The following ITGAE variants were observed in gnomAD, a reference collection of about 807,000 sequenced individuals.
ITGAE encodes integrin subunit alpha E, also known as integrin alpha-E.
In ITGAE, 99 loss-of-function variants were observed where a neutral mutation model predicts 136.5. That is an observed-to-expected ratio of 0.73 (90% CI 0.62 to 0.86). The LOEUF (loss-of-function observed/expected upper bound fraction) is 0.86, where lower values mean the gene tolerates loss of function less well. Ranked by LOEUF, ITGAE falls within the 40% of genes least tolerant of loss-of-function variation. The pLI, the probability that ITGAE is intolerant of heterozygous loss-of-function variation, is 0.00. For missense variants in ITGAE, 1,447 were observed against 1,515.3 expected (o/e 0.95, Z 0.75); for synonymous variants, 613 against 591.8 (o/e 1.04, Z -0.52).
intron 1 of ITGAE, among the ~76,000 whole-genome samples, chr17:3,782,604 G>C (rs886216946): frequency 6.6e-6 from 1 of 151,974 alleles, no homozygotes; most frequent in Non-Finnish European, 1.5e-5. Flanking sequence ...CTGACCTCAG[G>C]TGATTCAGCC....
intron 11 of ITGAE, among the ~76,000 whole-genome samples, chr17:3,755,553 T>C (rs1195064932): frequency 2.0e-5 from 3 of 152,150 alleles, no homozygotes; most frequent in Non-Finnish European, 1.5e-5. Flanking sequence ...ACTGGATGTT[T>C]GAGCACACAG....
chr17:3,750,964 G>A (rs527469340), intron 15 of ITGAE, among the ~76,000 whole-genome samples: 61 of 151,868 alleles, frequency 4.0e-4, no homozygotes, highest in Non-Finnish European at 6.9e-4. Context: ...TGGGACCGCA[G>A]GGGTGGGGAT....
chr17:3,769,487 C>T (rs1300503288), intron 2 of ITGAE, among the ~76,000 whole-genome samples: 1 of 152,188 alleles, frequency 6.6e-6, no homozygotes, highest in Non-Finnish European at 1.5e-5. Context: ...CCTCTGCTTC[C>T]CACACCTTTT....
rs775546016 is a variant in ITGAE, at chr17:3,724,656, C to T, written c.3085-912G>A. ...GATGGTCCACCAAACCCGCGCCAGC[C>T]TCAGGTCAGTTCTCTTTGGCCTTAT... On this transcript the variant is annotated intron_variant, in intron 26 of 30. Transcript: ENST00000263087. The T allele has an allele frequency of 2.5e-5, 41 of 1,614,114 alleles. No individual in the cohort carries two copies. The South Asian group carries it at 4.2e-4, about 16-fold the overall frequency.
In ITGAE at chr17:3,751,793, T is replaced by C. The variant is rs766024349; in HGVS notation, c.1750A>G (p.Met584Val). 1.2e-6 allele frequency: 2 copies of C among 1,614,060 alleles called. No homozygotes were observed. The highest frequency in any genetic ancestry group is 4.5e-5 in the East Asian group (2 of 44,880). The change falls in exon 15 of 31, where the codon ATG becomes GTG. Residue 584 changes from methionine (M) to valine (V), a missense_variant. Around this residue, in one of 3 missense-constraint regions of ITGAE, gnomAD observed 1,031 missense variants for 1,011.4 expected, o/e 1.02. Coordinates refer to ENST00000263087, the MANE Select transcript of ITGAE (RefSeq NM_002208.5). ...NARFGFAMAA[M>V]GDLSQDKLTD... Reference sequence around the variant, plus strand: ...AGCTTATCCTGACTGAGATCCCCCATAGCCGCCATGGCAAAGCCAAAGCGG... The same window carrying C: ...AGCTTATCCTGACTGAGATCCCCCACAGCCGCCATGGCAAAGCCAAAGCGG...
chr17:3,778,544 C>T (rs1162973135), intron 1 of ITGAE, among the ~76,000 whole-genome samples: 1 of 151,532 alleles, frequency 6.6e-6, no homozygotes, highest in African/African-American at 2.5e-5. Context: ...GCCTGAGCAA[C>T]AGAGCAAGAC....
intron 20 of ITGAE, among the ~76,000 whole-genome samples, chr17:3,735,922 T>A (rs900826006): frequency 7.9e-5 from 12 of 152,046 alleles, no homozygotes; most frequent in African/African-American, 2.2e-4. Context: ...GGCGGGTAGA[T>A]CACCTGAGGT....
At chr17:3,719,437 C>T (rs1416396367) in intron 29 of ITGAE, among the ~76,000 whole-genome samples, 1 of 152,066 alleles carries the variant, frequency 6.6e-6, no homozygotes, top group Non-Finnish European at 1.5e-5. Flanking sequence ...CTAAAGAGCT[C>T]AGAGCTCACA....
intron 22 of ITGAE, among the ~76,000 whole-genome samples, chr17:3,731,509 T>C (rs368636492): frequency 1.3e-5 from 2 of 151,664 alleles, no homozygotes; most frequent in South Asian, 2.1e-4. Flanking sequence ...GCCCAGCTAA[T>C]TTTTGTATTC....
chr17:3,750,413 T>C lies in ITGAE; in HGVS notation c.1963A>G (p.Ile655Val), dbSNP rs145433625. The C allele has an allele frequency of 8.1e-6, 13 of 1,614,040 alleles. No homozygotes were observed. The highest frequency in any genetic ancestry group is 1.1e-5 in the Non-Finnish European group (13 of 1,180,046). Residue 655 changes from isoleucine (I) to valine (V), a missense_variant, in exon 16 of 31, where the codon ATT becomes GTT. Ile to Val is a conservative substitution (Grantham distance 29). Transcript: ENST00000263087. Reference sequence around the variant, plus strand: ...ATGTCGGCAAGGCCGTCGCCACTAATATCAAAGCCACCAGCCATGGACATG... The same window carrying C: ...ATGTCGGCAAGGCCGTCGCCACTAACATCAAAGCCACCAGCCATGGACATG... ...FGMSMAGGFDISGDGLADITV... is the reference protein window; with the variant it reads ...FGMSMAGGFDVSGDGLADITV...
chr17:3,770,457 C>T lies in ITGAE; in HGVS notation c.156-6497G>A, dbSNP rs142579797. ...CAGGGTCTATTTCCATGTCTGCTGTCTGTCCCACCCATACCTTCTGTGGCA... is the reference window on the plus strand; with the variant it reads ...CAGGGTCTATTTCCATGTCTGCTGTTTGTCCCACCCATACCTTCTGTGGCA... On this transcript the variant is annotated intron_variant, in intron 2 of 30. Coordinates refer to ENST00000263087, the MANE Select transcript of ITGAE (RefSeq NM_002208.5). Among the ~76,000 whole-genome samples, 340 of 152,276 alleles carry T rather than the reference C, an allele frequency of 2.2e-3. 2 individuals carry two copies. Among genetic ancestry groups the T allele is most frequent in the African/African-American group, 7.8e-3 (324 of 41,566 alleles).
chr17:3,781,754 G>A (rs1407077625), intron 1 of ITGAE, among the ~76,000 whole-genome samples: 1 of 152,116 alleles, frequency 6.6e-6, no homozygotes, highest in Admixed American at 6.5e-5. Context: ...TCCCACAGTT[G>A]AAATGTCTCA....
At chr17:3,776,054 CT>C (rs71153398) in intron 2 of ITGAE, among the ~76,000 whole-genome samples, 2,284 of 122,748 alleles carry the variant, frequency 0.019, 8 homozygotes, top group Middle Eastern at 0.036. Context: ...GTGCTAAGCC[CT>C]TTTTTTTTTT....
chr17:3,780,253 C>T (rs1286472352), intron 1 of ITGAE, among the ~76,000 whole-genome samples: 2 of 151,650 alleles, frequency 1.3e-5, no homozygotes, highest in East Asian at 3.9e-4. Flanking sequence ...TCACTGCAAG[C>T]TTTGCCTCCC....
At chr17:3,750,229 C>T in intron 16 of ITGAE, 123 bp downstream of exon 16, 1 of 1,376,006 alleles carries the variant, frequency 7.3e-7, no homozygotes, top group South Asian at 1.4e-5. Context: ...ACTCCAGAGC[C>T]TGTGCCCACA....
At chr17:3,754,893 C>G (rs12935954) in intron 12 of ITGAE, among the ~76,000 whole-genome samples, 2 of 143,422 alleles carry the variant, frequency 1.4e-5, no homozygotes, top group Admixed American at 6.9e-5. Context: ...CCCTCGCCCA[C>G]GTGGCCTCCA....
chr17:3,720,391 A>G lies in ITGAE; in HGVS notation c.3249T>C (p.Asp1083=). The G allele has an allele frequency of 1.3e-6, 2 of 1,483,394 alleles. No homozygotes were observed. Among genetic ancestry groups the G allele is most frequent in the Non-Finnish European group, 1.9e-6 (2 of 1,061,034 alleles). 91.9% of individuals were successfully genotyped at this position (1,483,394 alleles called of 1,614,324 possible). ...CACCAAGGATCTGCAGTTCAGTTAC[A>G]TCTTTTAGTAACTAGAAGATGGGGA... is the stretch of plus-strand genomic sequence containing the variant. ...SWDHSEELLK[D]VTELQILGEI... The change falls in exon 29 of 31, where the codon GAT becomes GAC. Residue 1083 remains aspartate (D), a synonymous_variant. Coordinates refer to ENST00000263087, the MANE Select transcript of ITGAE (RefSeq NM_002208.5).
At position 3,720,400 on chromosome 17, in the gene ITGAE, T is replaced by A; in HGVS notation, c.3240A>T (p.Leu1080Phe). The A allele has an allele frequency of 2.8e-6, 4 of 1,422,788 alleles. No homozygotes were observed. The highest frequency in any genetic ancestry group is 4.0e-6 in the Non-Finnish European group (4 of 1,005,752). 88.1% of individuals were successfully genotyped at this position (1,422,788 alleles called of 1,614,324 possible). ...AEISWDHSEE[L>F]LKDVTELQIL... ...TCTGCAGTTCAGTTACATCTTTTAG[T>A]AACTAGAAGATGGGGAAAGGAATGA... Residue 1080 changes from leucine (L) to phenylalanine (F), a missense_variant and splice_region_variant, in exon 29 of 31, where the codon TTA becomes TTT. Coordinates refer to ENST00000263087, the MANE Select transcript of ITGAE (RefSeq NM_002208.5).
At chr17:3,741,570 C>T (rs963607639) in intron 19 of ITGAE, among the ~76,000 whole-genome samples, 1 of 152,118 alleles carries the variant, frequency 6.6e-6, no homozygotes, top group African/African-American at 2.4e-5. Flanking sequence ...TTAAAAATCT[C>T]TTTGCCATAG....
Sources: allele counts gnomAD v4.1 joint callset (sites outside exome capture counted in the v4.1 genomes callset), GRCh38; gene constraint gnomAD v4.1.1; regional missense constraint gnomAD v4.1.1; transcripts MANE v1.5; gene names NCBI Gene and HGNC (gene_info 2026-07-23, HGNC 2026-07-21).